Variants in NCKAP5 observed in about 807,000 individuals in gnomAD.
NCKAP5 encodes the protein nck-associated protein 5.
Under a neutral mutation model 167.0 loss-of-function variants are expected in NCKAP5, and 92 were observed. The observed-to-expected ratio is 0.55, with a 90% CI of 0.47 to 0.66. The LOEUF (loss-of-function observed/expected upper bound fraction) is 0.66. NCKAP5 is among the 30% of genes least tolerant of loss of function. The probability of loss-of-function intolerance (pLI) is 0.00; values close to 1 mark genes in which losing one functional copy is unlikely to be tolerated. For missense variants in NCKAP5, 2,378 were observed against 2,315.0 expected, an observed-to-expected ratio of 1.03 and a Z score of -0.56; for synonymous variants, 891 against 877.4, an observed-to-expected ratio of 1.02 and a Z score of -0.27.
intron 7 of NCKAP5, among the ~76,000 whole-genome samples, chr2:132,990,665 G>T (rs1452480203): frequency 1.1e-4 from 17 of 152,212 alleles, no homozygotes; most frequent in Admixed American, 1.1e-3. Flanking sequence ...ATGTGATGAT[G>T]AAATAAGAGG....
chr2:133,533,048 T>A (rs1452784275), intron 2 of NCKAP5, among the ~76,000 whole-genome samples: 1 of 152,188 alleles, frequency 6.6e-6, no homozygotes, highest in African/African-American at 2.4e-5. Context: ...GACAATGAGT[T>A]CTGAATTATT....
chr2:132,810,452 A>C (rs2105261426), intron 11 of NCKAP5, among the ~76,000 whole-genome samples: 1 of 152,240 alleles, frequency 6.6e-6, no homozygotes, highest in South Asian at 2.1e-4. Flanking sequence ...GACTTCTTGG[A>C]GGCTTTGTTC....
At chr2:133,353,639 C>G (rs1223049277) in intron 3 of NCKAP5, among the ~76,000 whole-genome samples, 2 of 152,156 alleles carry the variant, frequency 1.3e-5, no homozygotes, top group Middle Eastern at 3.2e-3. Flanking sequence ...GTCACATAAA[C>G]TGCAAACCCC....
Position 132,784,495 on chromosome 2 carries a change from C to G in NCKAP5, c.2316G>C (p.Lys772Asn), listed in dbSNP as rs1412152372. 1.9e-6 allele frequency: 3 copies of G among 1,572,574 alleles called. No homozygotes were observed. Among genetic ancestry groups the G allele is most frequent in the African/African-American group, 1.4e-5 (1 of 73,480 alleles). ...ATATATTGTGTGTTGGTTTGACCAG[C>G]TTTTGCTGCTGAGGATTTTGTGTCA... Reference protein sequence around the residue: ...RTVTQNPQQQKLVKPTHNISC... With the variant: ...RTVTQNPQQQNLVKPTHNISC... The change falls in exon 14 of 20, where the codon AAG becomes AAC. Residue 772 changes from lysine to asparagine, a missense_variant. Coordinates refer to ENST00000409261, the MANE Select transcript of NCKAP5 (RefSeq NM_207363.3).
chr2:133,618,538 A>C, the NCKAP5 span, among the ~76,000 whole-genome samples: 1 of 149,672 alleles, frequency 6.7e-6, no homozygotes, highest in African/African-American at 2.4e-5. Context: ...TATGCAGCCA[A>C]AAAACACATG....
At chr2:133,453,523 T>C (rs2151204831) in intron 3 of NCKAP5, among the ~76,000 whole-genome samples, 1 of 152,148 alleles carries the variant, frequency 6.6e-6, no homozygotes, top group Admixed American at 6.6e-5. Flanking sequence ...CATTTCTATT[T>C]ATAATGGCAA....
At position 132,731,822 on chromosome 2, in the gene NCKAP5, G is replaced by A; in HGVS notation, c.5358C>T (p.Ala1786=). The A allele has an allele frequency of 6.2e-7, 1 of 1,613,944 alleles. No individual in the cohort carries two copies. The highest frequency in any genetic ancestry group is 8.5e-7 in the Non-Finnish European group (1 of 1,179,886). ...TGGGGTCGGATGTGGAATGAACAAT[G>A]GCGCTATCTGCAGGGCGCTGGCCGT... is the stretch of plus-strand genomic sequence containing the variant. ...STDGQRPADS[A]IVHSTSDPIM... The change falls in exon 17 of 20, where the codon GCC becomes GCT. Residue 1786 remains alanine (A), a synonymous_variant. Transcript: ENST00000409261.
intron 6 of NCKAP5, among the ~76,000 whole-genome samples, chr2:133,019,173 A>T (rs983146229): frequency 4.6e-5 from 7 of 152,224 alleles, no homozygotes; most frequent in African/African-American, 1.7e-4. Context: ...CTAAGTTGCT[A>T]TACGGAGTGG....
intron 6 of NCKAP5, among the ~76,000 whole-genome samples, chr2:133,083,603 C>T (rs925486563): frequency 1.3e-5 from 2 of 152,114 alleles, no homozygotes; most frequent in Non-Finnish European, 2.9e-5. Context: ...CGTATCTTAC[C>T]AGACAGGAAG....
rs118101621 is a variant in NCKAP5 at position 133,534,515 on chromosome 2, G to A, written c.-61-16928C>T. ...ATCCCCTACCCCTTACCCAGCCCCC[G>A]GCAACCATTCATCTACATTCTGTCT... is the stretch of plus-strand genomic sequence containing the variant. On this transcript the variant is annotated intron_variant, in intron 2 of 19. Coordinates refer to ENST00000409261, the MANE Select transcript of NCKAP5 (RefSeq NM_207363.3). 3.3e-3 allele frequency among the ~76,000 whole-genome samples: 502 copies of A among 151,974 alleles called. 3 individuals are homozygous for A. The highest frequency in any genetic ancestry group is 0.03 in the East Asian group (157 of 5,166).
intron 3 of NCKAP5, among the ~76,000 whole-genome samples, chr2:133,421,938 T>G (rs371713866): frequency 1.3e-5 from 2 of 152,374 alleles, no homozygotes; most frequent in South Asian, 2.1e-4. Flanking sequence ...CTTTATCTAG[T>G]GCCTTCCACT....
At chr2:132,955,800 C>T (rs1468492415) in intron 8 of NCKAP5, among the ~76,000 whole-genome samples, 1 of 152,166 alleles carries the variant, frequency 6.6e-6, no homozygotes, top group Non-Finnish European at 1.5e-5. Flanking sequence ...CCTATTTCTC[C>T]ACATCCTTGC....
chr2:132,961,038 A>C (rs1252542934), intron 8 of NCKAP5, among the ~76,000 whole-genome samples: 1 of 152,130 alleles, frequency 6.6e-6, no homozygotes, highest in Non-Finnish European at 1.5e-5. Context: ...GTTGTATATC[A>C]AATTTTTCCA....
intron 3 of NCKAP5, among the ~76,000 whole-genome samples, chr2:133,440,074 G>A (rs1690737826): frequency 6.6e-6 from 1 of 152,026 alleles, no homozygotes; most frequent in South Asian, 2.1e-4. Context: ...ATGATATACT[G>A]CTTCACTGGT....
chr2:133,352,502 G>T (rs2150822679), intron 3 of NCKAP5, among the ~76,000 whole-genome samples: 1 of 152,330 alleles, frequency 6.6e-6, no homozygotes, highest in African/African-American at 2.4e-5. Flanking sequence ...AGGTCTGAAG[G>T]CCTTTCTAGA....
Position 132,718,962 on chromosome 2 carries a change from G to A in NCKAP5, c.5713+6665C>T, listed in dbSNP as rs774178841. ...AAGGAGTAGTAACTGGACTTTGGGCGTGGCTGATGAAGGGGCATCCTGAAG... is the reference window on the plus strand; with the variant it reads ...AAGGAGTAGTAACTGGACTTTGGGCATGGCTGATGAAGGGGCATCCTGAAG... On this transcript the variant is annotated intron_variant, in intron 19 of 19. Transcript: ENST00000409261. 2.0e-5 allele frequency among the ~76,000 whole-genome samples: 3 copies of A among 152,320 alleles called. No homozygotes were observed. In the East Asian group the frequency reaches 5.8e-4, roughly 29 times the overall value.
At chr2:133,388,156 T>C (rs988473408) in intron 3 of NCKAP5, among the ~76,000 whole-genome samples, 2 of 151,764 alleles carry the variant, frequency 1.3e-5, no homozygotes, top group African/African-American at 2.4e-5. Context: ...GTTATTTTTT[T>C]CCCCATTTTT....
chr2:133,442,928 T>C (rs917450459), intron 3 of NCKAP5, among the ~76,000 whole-genome samples: 29 of 152,186 alleles, frequency 1.9e-4, no homozygotes, highest in African/African-American at 7.0e-4. Context: ...CAACTGCATG[T>C]GAATTTCTGA....
At chr2:133,198,576 A>T (rs1218746914) in intron 5 of NCKAP5, among the ~76,000 whole-genome samples, 5 of 152,172 alleles carry the variant, frequency 3.3e-5, no homozygotes, top group Non-Finnish European at 7.4e-5. Flanking sequence ...AAAAGTAAAA[A>T]ATAATTAGGA....
Sources: gnomAD v4.1 joint callset for allele counts (sites outside exome capture counted in the v4.1 genomes callset) on GRCh38, gnomAD v4.1.1 for gene constraint, MANE v1.5 for transcripts, NCBI Gene and HGNC (gene_info 2026-07-23, HGNC 2026-07-21) for gene names.